Variants in KLHL22 observed in about 807,000 individuals in gnomAD.
KLHL22 encodes the protein kelch like family member 22.
A neutral mutation model predicts 60.7 loss-of-function variants in KLHL22; 18 were observed. The observed-to-expected ratio is 0.30, with a 90% CI of 0.20 to 0.44. The LOEUF (loss-of-function observed/expected upper bound fraction) is 0.44, where lower values mean the gene tolerates loss of function less well. Among genes scored for constraint, KLHL22 ranks in the 20% least tolerant of loss-of-function variants. KLHL22 has a pLI of 1.00. For missense variants in KLHL22, 596 were observed against 852.3 expected (o/e 0.70, Z 3.74); for synonymous variants, 355 against 354.5 (o/e 1.00, Z -0.01).
chr22:20,478,532 T>TTTTTA (rs2053449396), intron 2 of KLHL22, among the ~76,000 whole-genome samples: 1 of 136,564 alleles, frequency 7.3e-6, no homozygotes, highest in African/African-American at 2.8e-5. Flanking sequence ...TTTTTTTTTT[T>TTTTTA]GAGATGGAGT....
chr22:20,493,719 A>G (rs751620598), intron 1 of KLHL22, among the ~76,000 whole-genome samples: 3 of 152,178 alleles, frequency 2.0e-5, no homozygotes, highest in Admixed American at 1.3e-4. Flanking sequence ...TCCAGCCTGC[A>G]TGACAGTGCG....
chr22:20,461,157 C>T (rs2053148112), intron 4 of KLHL22, among the ~76,000 whole-genome samples: 1 of 152,240 alleles, frequency 6.6e-6, no homozygotes, highest in African/African-American at 2.4e-5. Context: ...GCAGCTGAAA[C>T]TGACTAGGAG....
At chr22:20,451,808 T>C in intron 5 of KLHL22, 3 of 1,604,232 alleles carry the variant, frequency 1.9e-6, no homozygotes, top group Non-Finnish European at 2.6e-6. Flanking sequence ...GGTGTGTGTG[T>C]TCTCCACAAG....
At chr22:20,467,404 C>CCCCT (rs1476365708) in intron 3 of KLHL22, among the ~76,000 whole-genome samples, 14 of 152,188 alleles carry the variant, frequency 9.2e-5, no homozygotes, top group African/African-American at 3.1e-4. Flanking sequence ...CTACATCACT[C>CCCCT]TATACATAAG....
In KLHL22 at chr22:20,464,973, C is replaced by T. The variant is rs1306544038; in HGVS notation, c.997G>A (p.Ala333Thr). ...TTGGACATGCGGGGGGCCAGGGAGG[C>T]AGTGAAGTGCTTCCACTCTCCCAGT... The part of the protein sequence containing the change: ...PLLGEWKHFT[A>T]SLAPRMSNQG... The change falls in exon 4 of 7, where the codon GCC becomes ACC. Residue 333 changes from alanine to threonine, a missense_variant. Physicochemically the swap from Ala to Thr is moderately conservative, Grantham distance 58. Transcript: ENST00000328879. 1 of 1,610,480 alleles carries T rather than the reference C, an allele frequency of 6.2e-7. No individual in the cohort carries two copies. Among genetic ancestry groups the T allele is most frequent in the East Asian group, 2.2e-5 (1 of 44,886 alleles).
At chr22:20,483,362 C>T (rs529343171) in intron 2 of KLHL22, 27 of 751,868 alleles carry the variant, frequency 3.6e-5, no homozygotes, top group South Asian at 2.4e-4. Context: ...ATGTCTGCCA[C>T]GATCTTGGCA....
At chr22:20,448,597 G>T (rs1337153310) in intron 5 of KLHL22, among the ~76,000 whole-genome samples, 1 of 152,074 alleles carries the variant, frequency 6.6e-6, no homozygotes, top group Admixed American at 6.5e-5. Flanking sequence ...CAGGGTCTTG[G>T]TCTATTGCCC....
In KLHL22 at chr22:20,442,157, G is replaced by C. The variant is rs200591799; in HGVS notation, c.1821C>G (p.Asp607Glu). 1 of 1,549,764 alleles carries C rather than the reference G, an allele frequency of 6.5e-7. No individual in the cohort carries two copies. The highest frequency in any genetic ancestry group is 1.9e-5 in the Admixed American group (1 of 52,436). ...CAAAGTCCGGGTCGGCCTGGCTGCG[G>C]TCAGGGGTCCCGCGGGGCGGCTCAA... ...LLLEPPRGTP[D>E]RSQADPDFAS... is the part of the protein sequence containing the mutation. Residue 607 changes from aspartate (D) to glutamate (E), a missense_variant, in exon 7 of 7, where the codon GAC becomes GAG. Physicochemically the swap from Asp to Glu is conservative, Grantham distance 45 (BLOSUM62 2). Transcript: ENST00000328879.
intron 1 of KLHL22, among the ~76,000 whole-genome samples, chr22:20,492,871 C>T (rs2053712846): frequency 6.6e-6 from 1 of 152,210 alleles, no homozygotes; most frequent in Non-Finnish European, 1.5e-5. Flanking sequence ...GGATTACAGG[C>T]ATGAGCCACC....
At chr22:20,483,625 G>T in intron 2 of KLHL22, 1 of 726,062 alleles carries the variant, frequency 1.4e-6, no homozygotes. Context: ...AAAGTCATCA[G>T]CAGCAAGACG....
intron 2 of KLHL22, among the ~76,000 whole-genome samples, chr22:20,480,621 C>A (rs1317881034): frequency 2.0e-5 from 3 of 152,078 alleles, no homozygotes; most frequent in African/African-American, 4.8e-5. Flanking sequence ...TTTTAGAATT[C>A]AGAAGGTTCC....
chr22:20,442,589 A>G, intron 6 of KLHL22, 151 bp from the exon 7 acceptor site: 2 of 990,994 alleles, frequency 2.0e-6, no homozygotes, highest in Non-Finnish European at 2.8e-6. Context: ...GTGTTGAAAC[A>G]TCCTGTCCAT....
intron 5 of KLHL22, chr22:20,449,991 G>T: frequency 1.7e-6 from 1 of 580,560 alleles, no homozygotes; most frequent in Admixed American, 3.0e-5. Context: ...GGCTCCTCCT[G>T]AGCCACCTGC....
At chr22:20,448,412 T>C (rs62219035) in intron 5 of KLHL22, among the ~76,000 whole-genome samples, 1 of 152,164 alleles carries the variant, frequency 6.6e-6, no homozygotes, top group Non-Finnish European at 1.5e-5. Context: ...GTACTCAACA[T>C]GTACCAATAG....
chr22:20,455,368 C>T (rs1351380811), intron 5 of KLHL22, among the ~76,000 whole-genome samples: 1 of 152,232 alleles, frequency 6.6e-6, no homozygotes, highest in Non-Finnish European at 1.5e-5. Context: ...TTGCTCTGCT[C>T]TTGATCCTTG....
chr22:20,468,018 CTA>C (rs1363879551), intron 3 of KLHL22, among the ~76,000 whole-genome samples: 3 of 152,208 alleles, frequency 2.0e-5, no homozygotes, highest in Non-Finnish European at 4.4e-5. Context: ...CAAAAGACAT[CTA>C]ATATTGCTTG....
chr22:20,470,827 G>GATGGATGC (rs1423348774), intron 3 of KLHL22, among the ~76,000 whole-genome samples: 244 of 142,632 alleles, frequency 1.7e-3, no homozygotes, highest in African/African-American at 6.5e-3. Flanking sequence ...TGGATGGATG[G>GATGGATGC]ATGCATGCAT....
intron 5 of KLHL22, among the ~76,000 whole-genome samples, chr22:20,448,739 A>G (rs2052922953): frequency 1.3e-5 from 2 of 152,122 alleles, no homozygotes; most frequent in Non-Finnish European, 2.9e-5. Context: ...TAACGTATAC[A>G]GAGTAGTTTT....
intron 2 of KLHL22, among the ~76,000 whole-genome samples, chr22:20,473,863 G>A (rs2053366443): frequency 6.6e-6 from 1 of 152,188 alleles, no homozygotes; most frequent in African/African-American, 2.4e-5. Context: ...CAACAAGAGT[G>A]AAACTCTGTC....
Sources: allele counts gnomAD v4.1 joint callset (sites outside exome capture counted in the v4.1 genomes callset), GRCh38; gene constraint gnomAD v4.1.1; transcripts MANE v1.5; gene names NCBI Gene and HGNC (gene_info 2026-07-23, HGNC 2026-07-21).